The following PRPF8 variants were observed in gnomAD, a reference collection of about 807,000 sequenced individuals.
The protein encoded by PRPF8 is pre-mRNA processing factor 8.
Under a neutral mutation model 285.9 loss-of-function variants are expected in PRPF8, and 64 were observed. The observed-to-expected ratio is 0.22, with a 90% CI of 0.18 to 0.28. The LOEUF is 0.28. PRPF8 is among the 10% of genes least tolerant of loss of function. The pLI is 1.00. For missense variants in PRPF8, 1,426 were observed against 3,026.7 expected, an observed-to-expected ratio of 0.47 and a Z score of 12.41; for synonymous variants, 1,325 against 1,118.2, an observed-to-expected ratio of 1.18 and a Z score of -3.69.
At position 1,676,930 on chromosome 17, in the gene PRPF8, C is replaced by G. The variant is rs374899141; in HGVS notation, c.2181+46G>C. The G allele has an allele frequency of 3.5e-5, 57 of 1,605,896 alleles. No homozygotes were observed. The highest frequency in any genetic ancestry group is 4.5e-5 in the Non-Finnish European group (53 of 1,176,054). On this transcript the variant is annotated intron_variant, in intron 15 of 42. Transcript: ENST00000304992. This position sits in a 1 kb window ranked among gnomAD's most constrained non-coding sequence, Gnocchi z 6.3. Reference sequence around the variant, plus strand: ...TGATTCCCGAAGTGGTAATCCTACCCTAAAGACGGATGTTTACGCCTCCAA... The same window carrying G: ...TGATTCCCGAAGTGGTAATCCTACCGTAAAGACGGATGTTTACGCCTCCAA...
In PRPF8 at chr17:1,653,736, G is replaced by A. The variant is rs368050167; in HGVS notation, c.6227+41C>T. On this transcript the variant is annotated intron_variant, in intron 38 of 42. Coordinates refer to ENST00000304992, the MANE Select transcript of PRPF8 (RefSeq NM_006445.4). The surrounding 1 kb of genome is among the most constrained non-coding windows in gnomAD (Gnocchi z 4.9). Reference sequence around the variant, plus strand: ...CGCTCAGCCCAGCACCTTAGGTAGTGCAGCCGGCCTTTCCATCCCCACCCT... The same window carrying A: ...CGCTCAGCCCAGCACCTTAGGTAGTACAGCCGGCCTTTCCATCCCCACCCT... The A allele has an allele frequency of 2.5e-4, 398 of 1,614,144 alleles. No individual in the cohort carries two copies. The African/African-American group carries it at 4.3e-3, about 17-fold the overall frequency.
rs1446688642 is a variant in PRPF8 at position 1,653,646 on chromosome 17, G to A, written c.6265C>T (p.His2089Tyr). The A allele has an allele frequency of 6.2e-7, 1 of 1,614,198 alleles. No individual in the cohort carries two copies. Among genetic ancestry groups the A allele is most frequent in the East Asian group, 2.2e-5 (1 of 44,880 alleles). ...ATGTCGTCAGATGAAACATAGATGT[G>A]ATTGGTCCTTAGGTGCAGGTTGGCA... Reference protein sequence around the residue: ...SAANLHLRTNHIYVSSDDIKE... With the variant: ...SAANLHLRTNYIYVSSDDIKE... The change falls in exon 39 of 43, where the codon CAC (histidine) becomes TAC (tyrosine). Residue 2089 changes from histidine to tyrosine, a missense_variant. By Grantham distance (83) the His-to-Tyr change is moderately conservative. Transcript: ENST00000304992. This position sits in a 1 kb window ranked among gnomAD's most constrained non-coding sequence, Gnocchi z 4.9.
Position 1,681,926 on chromosome 17 carries a change from G to C in PRPF8, c.547C>G (p.Leu183Val). 3.7e-6 allele frequency: 6 copies of C among 1,613,992 alleles called. No individual in the cohort carries two copies. Among genetic ancestry groups the C allele is most frequent in the Non-Finnish European group, 5.1e-6 (6 of 1,179,988 alleles). ...EPPLDYADNI[L>V]DVEPLEAIQL... ...ATGGCCTCCAGTGGCTCAACATCTA[G>C]GATGTTGTCAGCATAGTCCAAGGGC... The change falls in exon 5 of 43, where the codon CTA becomes GTA. Residue 183 changes from leucine to valine, a missense_variant. Physicochemically the swap from Leu to Val is conservative, Grantham distance 32. This residue lies in a region of PRPF8 where 96 missense variants were observed against 188.3 expected (regional missense o/e 0.51). Coordinates refer to ENST00000304992, the MANE Select transcript of PRPF8 (RefSeq NM_006445.4).
In PRPF8 at chr17:1,653,441, C is replaced by G; in HGVS notation, c.6369+101G>C. The stretch of plus-strand genomic sequence containing the variant: ...CTTGTATAATTACTCATCCATGAAT[C>G]TTGAAACCAGCATCTCAAGTTCCAG... On this transcript the variant is annotated intron_variant, in intron 39 of 42. Coordinates refer to ENST00000304992, the MANE Select transcript of PRPF8 (RefSeq NM_006445.4). The surrounding 1 kb of genome is among the most constrained non-coding windows in gnomAD (Gnocchi z 4.9). 3.3e-6 allele frequency: 5 copies of G among 1,525,450 alleles called. No homozygotes were observed. In the South Asian group the frequency reaches 5.7e-5, roughly 17 times the overall value. 94.5% of individuals were successfully genotyped at this position (1,525,450 alleles called of 1,614,324 possible).
intron 24 of PRPF8, among the ~76,000 whole-genome samples, chr17:1,669,696 C>T (rs1460287076): frequency 1.3e-5 from 2 of 152,210 alleles, no homozygotes; most frequent in African/African-American, 4.8e-5. Flanking sequence ...GGATACTTTT[C>T]AGTCCTCATC....
intron 24 of PRPF8, among the ~76,000 whole-genome samples, chr17:1,669,549 C>CA (rs1912193510): frequency 6.6e-6 from 1 of 152,166 alleles, no homozygotes; most frequent in Non-Finnish European, 1.5e-5. Flanking sequence ...CTTCAACTGA[C>CA]AAACAGATTG....
intron 37 of PRPF8, 189 bp from the exon 38 acceptor site, chr17:1,654,205 C>A (rs1158163187): frequency 3.7e-6 from 3 of 804,052 alleles, no homozygotes; most frequent in Admixed American, 2.0e-5. Flanking sequence ...CAGATCCAAG[C>A]GGGACAGCAC....
In PRPF8 at chr17:1,659,094, C is replaced by CG. The variant is rs1297253201; in HGVS notation, c.5138+262dup. ...AGGCTGGAGTGCAGTGGCGCAATCTCGGTTCACTGCAAGCTCCGCCTCCCG... is the reference window on the plus strand; with the variant it reads ...AGGCTGGAGTGCAGTGGCGCAATCTCGGGTTCACTGCAAGCTCCGCCTCCCG... On this transcript the variant is annotated intron_variant, in intron 32 of 42. Transcript: ENST00000304992. The surrounding 1 kb of genome is among the most constrained non-coding windows in gnomAD (Gnocchi z 5.1). 3 of 606,304 alleles carry CG rather than the reference C, an allele frequency of 4.9e-6. No homozygotes were observed. Among genetic ancestry groups the CG allele is most frequent in the Non-Finnish European group, 8.7e-6 (3 of 343,016 alleles). The allele number at this position is 606,304 out of a possible 1,614,324, so 37.6% of individuals were successfully genotyped here.
chr17:1,677,635 G>C lies in PRPF8; in HGVS notation c.1914C>G (p.Leu638=), dbSNP rs11078565. ...AAGGGGTAATGCCACGCATGAAAAA[G>C]AGCCAGACTCGCCAACCGGCAGCCC... ...GFWAAGWRVW[L]FFMRGITPLL... The change falls in exon 14 of 43, where the codon CTC becomes CTG. Residue 638 remains leucine (L), a synonymous_variant. Transcript: ENST00000304992. 348,482 of 1,613,404 alleles carry C rather than the reference G, an allele frequency of 0.22. 44,285 individuals are homozygous for C. The highest frequency in any genetic ancestry group is 0.58 in the African/African-American group (43,093 of 74,666).
chr17:1,662,591 G>GA (rs1415251703), intron 24 of PRPF8, among the ~76,000 whole-genome samples: 3 of 127,540 alleles, frequency 2.4e-5, no homozygotes, highest in African/African-American at 1.1e-4. Context: ...TCCATCTCAG[G>GA]GGAAAAAAAA....
intron 2 of PRPF8, 63 bp downstream of exon 2, chr17:1,684,409 G>A (rs1168397428): frequency 1.1e-5 from 17 of 1,560,346 alleles, no homozygotes; most frequent in African/African-American, 2.7e-5. Context: ...GTCCCCACCC[G>A]CCTGCGCGCG....
At chr17:1,674,351 A>G in intron 21 of PRPF8, 91 bp downstream of exon 21, 1 of 1,292,972 alleles carries the variant, frequency 7.7e-7, no homozygotes, top group East Asian at 2.3e-5. Flanking sequence ...CCCCAACAGC[A>G]GTTAAGTCAA....
rs759657903 is a variant in PRPF8, at chr17:1,675,973, C to T, written c.2634G>A (p.Leu878=). The part of the protein sequence containing the change: ...EQAYDNPHEA[L]SRIKRHLLTQ... ...TGAGGAGGTGACGCTTGATGCGGGA[C>T]AGCGCCTCGTGGGGGTTATCGTAGG... Residue 878 remains leucine, a synonymous_variant, in exon 18 of 43, where the codon CTG becomes CTA. Transcript: ENST00000304992. This position sits in a 1 kb window ranked among gnomAD's most constrained non-coding sequence, Gnocchi z 6.0. 22 of 1,614,088 alleles carry T rather than the reference C, an allele frequency of 1.4e-5. No individual in the cohort carries two copies. In the South Asian group the frequency reaches 2.0e-4, roughly 15 times the overall value.
In PRPF8 at chr17:1,674,453, A is replaced by C; in HGVS notation, c.3288T>G (p.His1096Gln). The C allele has an allele frequency of 6.2e-7, 1 of 1,614,122 alleles. No homozygotes were observed. The highest frequency in any genetic ancestry group is 8.5e-7 in the Non-Finnish European group (1 of 1,179,988). ...RLFCRYIDRI[H>Q]IFFRFTADEA... ...AGGAAAGCCCTCACCTGAAAAAAAT[A>C]TGGATGCGATCAATGTATCTGCAGA... Residue 1096 changes from histidine to glutamine, a missense_variant, in exon 21 of 43, where the codon CAT becomes CAG. By Grantham distance (24) the His-to-Gln change is conservative (BLOSUM62 0). Around this residue, in one of 34 missense-constraint regions of PRPF8, gnomAD observed 148 missense variants for 196.2 expected, o/e 0.75. Transcript: ENST00000304992.
Position 1,676,793 on chromosome 17 carries a change from C to T in PRPF8, c.2182-82G>A. 1 of 1,540,852 alleles carries T rather than the reference C, an allele frequency of 6.5e-7. No individual in the cohort carries two copies. The highest frequency in any genetic ancestry group is 8.9e-7 in the Non-Finnish European group (1 of 1,120,688). On this transcript the variant is annotated intron_variant, in intron 15 of 42. Coordinates refer to ENST00000304992, the MANE Select transcript of PRPF8 (RefSeq NM_006445.4). The surrounding 1 kb of genome is among the most constrained non-coding windows in gnomAD (Gnocchi z 6.3). ...TCTGTAGTCCCGGCTACTCAGGAGGCTAAGGAGGATCGCTTGAGCTCAGGA... is the reference window on the plus strand; with the variant it reads ...TCTGTAGTCCCGGCTACTCAGGAGGTTAAGGAGGATCGCTTGAGCTCAGGA...
At chr17:1,680,601 G>T in intron 8 of PRPF8, 125 bp downstream of exon 8, 1 of 865,184 alleles carries the variant, frequency 1.2e-6, no homozygotes, top group Non-Finnish European at 1.9e-6. Flanking sequence ...TTCGCTTATA[G>T]CTCAAGGGGA....
At chr17:1,668,954 T>G (rs1047528058) in intron 24 of PRPF8, among the ~76,000 whole-genome samples, 29 of 152,168 alleles carry the variant, frequency 1.9e-4, no homozygotes, top group African/African-American at 6.8e-4. Flanking sequence ...CAAGAAAAGC[T>G]GAAAAACTCA....
At chr17:1,656,045 C>T (rs1290712636) in intron 36 of PRPF8, among the ~76,000 whole-genome samples, 3 of 151,466 alleles carry the variant, frequency 2.0e-5, no homozygotes, top group Non-Finnish European at 3.0e-5. Flanking sequence ...CTCAGCCTCC[C>T]GAGTAGCTGG....
intron 37 of PRPF8, chr17:1,654,360 C>T (rs552270871): frequency 2.4e-4 from 111 of 458,210 alleles, no homozygotes; most frequent in African/African-American, 1.9e-3. Flanking sequence ...TGGTATTGTC[C>T]GTCACCCTAT....
Sources: gnomAD v4.1 joint callset for allele counts (sites outside exome capture counted in the v4.1 genomes callset) on GRCh38, gnomAD v4.1.1 for gene constraint, gnomAD v4.1.1 regional missense constraint, Gnocchi (gnomAD v3.1) non-coding constraint, MANE v1.5 for transcripts, NCBI Gene and HGNC (gene_info 2026-07-23, HGNC 2026-07-21) for gene names.